The following CR1 variants were observed in gnomAD, a reference collection of about 807,000 sequenced individuals.
The protein encoded by CR1 is complement C3b/C4b receptor 1 (Knops blood group).
A neutral mutation model predicts 187.3 loss-of-function variants in CR1; 116 were observed. That is an observed-to-expected ratio of 0.62 (90% CI 0.53 to 0.72). The LOEUF is 0.72. Ranked by LOEUF, CR1 falls within the 30% of genes least tolerant of loss-of-function variation. The pLI is 0.00. For synonymous variants in CR1, 576 were observed against 747.1 expected (o/e 0.77, Z 3.73); for missense variants, 1,731 against 2,110.7 (o/e 0.82, Z 3.52).
At chr1:207,586,123 T>TG (rs1661104112) in intron 33 of CR1, among the ~76,000 whole-genome samples, 1 of 70,090 alleles carries the variant, frequency 1.4e-5, no homozygotes, top group Non-Finnish European at 2.6e-5. Flanking sequence ...TTTGTTTTGT[T>TG]TTGTGTGTGT....
At chr1:207,519,704 C>T (rs1659914981) in intron 4 of CR1, among the ~76,000 whole-genome samples, 1 of 152,166 alleles carries the variant, frequency 6.6e-6, no homozygotes, top group African/African-American at 2.4e-5. Flanking sequence ...AATCAGGCAG[C>T]CTCCCGAGCC....
intron 35 of CR1, among the ~76,000 whole-genome samples, chr1:207,590,649 T>G (rs1661242594): frequency 6.6e-6 from 1 of 152,190 alleles, no homozygotes; most frequent in Non-Finnish European, 1.5e-5. Context: ...TGCCCCCAGT[T>G]AAAAGACACT....
At chr1:207,519,356 T>C (rs979284505) in intron 4 of CR1, among the ~76,000 whole-genome samples, 9 of 152,050 alleles carry the variant, frequency 5.9e-5, no homozygotes, top group Non-Finnish European at 1.5e-5. Context: ...GTCTAAGTCT[T>C]GGTATTTGTT....
Position 207,580,524 on chromosome 1 carries a change from T to C in CR1, c.5127T>C (p.Asp1709=). The C allele has an allele frequency of 1.2e-6, 2 of 1,609,904 alleles. No homozygotes were observed. The highest frequency in any genetic ancestry group is 4.5e-5 in the East Asian group (2 of 44,864). The stretch of plus-strand genomic sequence containing the variant: ...TTCTTCTTCTAGTGAAATCCTGTGA[T>C]GACTTCTTGGGTCAACTCCCTCATG... ...EAPRCAVKSC[D]DFLGQLPHGR... The change falls in exon 31 of 47, where the codon GAT becomes GAC. Residue 1709 remains aspartate, a synonymous_variant. Transcript: ENST00000367049.
At chr1:207,588,211 C>T (rs1340309064) in intron 34 of CR1, among the ~76,000 whole-genome samples, 1 of 152,160 alleles carries the variant, frequency 6.6e-6, no homozygotes, top group Non-Finnish European at 1.5e-5. Flanking sequence ...TGGAGCCTTA[C>T]TCTGTCACCC....
intron 35 of CR1, among the ~76,000 whole-genome samples, chr1:207,599,306 G>T (rs1661538812): frequency 6.6e-6 from 1 of 152,150 alleles, no homozygotes; most frequent in Admixed American, 6.5e-5. Flanking sequence ...GCAACAATAT[G>T]TCATGTTTTC....
intron 27 of CR1, among the ~76,000 whole-genome samples, chr1:207,574,892 T>C (rs1489451572): frequency 2.0e-5 from 3 of 152,170 alleles, no homozygotes; most frequent in South Asian, 2.1e-4. Context: ...ATCTCTTCCA[T>C]ATAGCAAGTG....
chr1:207,594,058 A>T (rs970694511), intron 35 of CR1, among the ~76,000 whole-genome samples: 1 of 152,186 alleles, frequency 6.6e-6, no homozygotes, highest in Non-Finnish European at 1.5e-5. Context: ...TTCCTCAAGG[A>T]TCTAGAACCA....
In CR1 at chr1:207,523,625, C is replaced by T. The variant is rs1263245201; in HGVS notation, c.502C>T (p.Leu168=). 2.5e-6 allele frequency: 4 copies of T among 1,613,786 alleles called. No individual in the cohort carries two copies. Among genetic ancestry groups the T allele is most frequent in the Non-Finnish European group, 2.5e-6 (3 of 1,179,898 alleles). Residue 168 remains leucine (L), a synonymous_variant, in exon 5 of 47, where the codon CTA becomes TTA. Transcript: ENST00000367049. The part of the protein sequence containing the change: ...TPICDRIPCG[L]PPTITNGDFI... The stretch of plus-strand genomic sequence containing the variant: ...CCTTTTTCCAGGAATTCCTTGTGGG[C>T]TACCCCCCACCATCACCAATGGAGA...
At chr1:207,502,015 C>T (rs2102331882) in intron 1 of CR1, among the ~76,000 whole-genome samples, 1 of 152,214 alleles carries the variant, frequency 6.6e-6, no homozygotes, top group East Asian at 1.9e-4. Flanking sequence ...CCTAGACCCA[C>T]TAAATCAGAG....
In CR1 at chr1:207,609,428, G is replaced by C; in HGVS notation, c.6035G>C (p.Gly2012Ala). The change falls in exon 37 of 47, where the codon GGA (glycine) becomes GCA (alanine). Residue 2012 changes from glycine (G) to alanine (A), a missense_variant. By Grantham distance (60) the Gly-to-Ala change is moderately conservative. This residue lies in a region of CR1 where 1,312 missense variants were observed against 1,379.6 expected (regional missense o/e 0.95). Coordinates refer to ENST00000367049, the MANE Select transcript of CR1 (RefSeq NM_000651.6). ...PDGEQLFELV[G>A]ERSIYCTSKD... ...GGAGAACAGCTGTTTGAGCTTGTGG[G>C]AGAACGGTCAATATATTGCACCAGC... is the stretch of plus-strand genomic sequence containing the variant. 1 of 1,614,026 alleles carries C rather than the reference G, an allele frequency of 6.2e-7. No individual in the cohort carries two copies. The highest frequency in any genetic ancestry group is 1.6e-4 in the Middle Eastern group (1 of 6,062).
intron 46 of CR1, among the ~76,000 whole-genome samples, chr1:207,630,980 A>G (rs746409903): frequency 6.6e-6 from 1 of 152,096 alleles, no homozygotes; most frequent in Non-Finnish European, 1.5e-5. Flanking sequence ...AAATGCACAG[A>G]GTCACTTTAA....
chr1:207,579,882 C>G (rs529654205), intron 29 of CR1, among the ~76,000 whole-genome samples: 3 of 152,096 alleles, frequency 2.0e-5, no homozygotes, highest in African/African-American at 4.8e-5. Context: ...ATGCCTGTCC[C>G]GAAACAGTAT....
At chr1:207,515,240 T>C (rs1659768281) in intron 4 of CR1, among the ~76,000 whole-genome samples, 1 of 147,748 alleles carries the variant, frequency 6.8e-6, no homozygotes, top group Non-Finnish European at 1.5e-5. Flanking sequence ...TATATATACA[T>C]ATACATATAT....
At position 207,616,889 on chromosome 1, in the gene CR1, T is replaced by C; in HGVS notation, c.6889+87T>C. 4 of 1,532,886 alleles carry C rather than the reference T, an allele frequency of 2.6e-6. No homozygotes were observed. In the South Asian group the frequency reaches 5.1e-5, roughly 20 times the overall value. The allele number at this position is 1,532,886 out of a possible 1,614,324, so 95.0% of individuals were successfully genotyped here. A position where few individuals can be genotyped will look rare whatever the true frequency, so the allele number is the denominator to read the frequency against. On this transcript the variant is annotated intron_variant, in intron 41 of 46. Coordinates refer to ENST00000367049, the MANE Select transcript of CR1 (RefSeq NM_000651.6). ...TTTCTATAGTGACAGTCATTTTTGC[T>C]TGTGAAAATGGCTTTGCTGTAACTG...
intron 35 of CR1, among the ~76,000 whole-genome samples, chr1:207,590,839 C>T (rs1661247847): frequency 6.6e-6 from 1 of 152,084 alleles, no homozygotes; most frequent in African/African-American, 2.4e-5. Context: ...ATACTTTAAA[C>T]CAACGAAGAT....
intron 3 of CR1, among the ~76,000 whole-genome samples, chr1:207,511,180 C>T (rs139005093): frequency 1.3e-5 from 2 of 152,076 alleles, no homozygotes; most frequent in Non-Finnish European, 2.9e-5. Flanking sequence ...ATCCATGCAT[C>T]CATACTTTTA....
At chr1:207,591,599 T>A (rs9793438) in intron 35 of CR1, among the ~76,000 whole-genome samples, 33,008 of 151,710 alleles carry the variant, frequency 0.22, 3,793 homozygotes, top group South Asian at 0.44. Context: ...ATAACTAAGA[T>A]CAGAGCAGAA....
intron 46 of CR1, among the ~76,000 whole-genome samples, chr1:207,630,902 A>G (rs1273101547): frequency 1.3e-5 from 2 of 152,194 alleles, no homozygotes; most frequent in African/African-American, 4.8e-5. Flanking sequence ...GAGAAGTAGT[A>G]TGCTTTTTTC....
Sources: allele counts gnomAD v4.1 joint callset (sites outside exome capture counted in the v4.1 genomes callset), GRCh38; gene constraint gnomAD v4.1.1; regional missense constraint gnomAD v4.1.1; transcripts MANE v1.5; gene names NCBI Gene and HGNC (gene_info 2026-07-23, HGNC 2026-07-21).